The following CD96 variants were observed in gnomAD, a reference collection of about 807,000 sequenced individuals.
CD96 encodes CD96 molecule.
In CD96, 70 loss-of-function variants were observed where a neutral mutation model predicts 71.3. The observed-to-expected ratio is 0.98, with a 90% CI of 0.81 to 1.20. The LOEUF is 1.20. Ranked by LOEUF, CD96 falls within the 50% of genes most tolerant of loss-of-function variation. The pLI, the probability that CD96 is intolerant of heterozygous loss-of-function variation, is 0.00. For missense variants in CD96, 742 were observed against 677.5 expected, an observed-to-expected ratio of 1.10 and a Z score of -1.06; for synonymous variants, 248 against 233.0, an observed-to-expected ratio of 1.06 and a Z score of -0.59.
chr3:111,591,073 C>T (rs1363519711), intron 5 of CD96, among the ~76,000 whole-genome samples: 1 of 152,046 alleles, frequency 6.6e-6, no homozygotes, highest in East Asian at 1.9e-4. Context: ...TATTAATAAC[C>T]ATGTAAAACA....
At chr3:111,624,188 C>T in intron 9 of CD96, 145 bp from the exon 10 acceptor site, 1 of 696,560 alleles carries the variant, frequency 1.4e-6, no homozygotes, top group Non-Finnish European at 2.6e-6. Flanking sequence ...GCTTAATATG[C>T]CAGCTAGTGT....
At chr3:111,551,612 A>G (rs1483089980) in intron 2 of CD96, among the ~76,000 whole-genome samples, 1 of 152,016 alleles carries the variant, frequency 6.6e-6, no homozygotes, top group African/African-American at 2.4e-5. Context: ...CAGGTTTGTT[A>G]TATAGGTAAA....
At chr3:111,641,292 G>A (rs1576425965) in intron 12 of CD96, among the ~76,000 whole-genome samples, 1 of 152,210 alleles carries the variant, frequency 6.6e-6, no homozygotes, top group Non-Finnish European at 1.5e-5. Flanking sequence ...TTAAAGTAAA[G>A]GGGTGGAAAA....
At chr3:111,634,271 T>A (rs1027307430) in intron 10 of CD96, 2 of 152,232 alleles carry the variant, frequency 1.3e-5, no homozygotes, top group Non-Finnish European at 2.9e-5. Context: ...TAGAATAGTA[T>A]GCTGCCCATC....
At chr3:111,590,889 TG>T (rs1302823988) in intron 5 of CD96, among the ~76,000 whole-genome samples, 1 of 152,208 alleles carries the variant, frequency 6.6e-6, no homozygotes, top group Admixed American at 6.5e-5. Flanking sequence ...CTCTTATGCT[TG>T]TGCTTTATAC....
intron 4 of CD96, among the ~76,000 whole-genome samples, chr3:111,582,239 T>C (rs1303725967): frequency 2.0e-5 from 3 of 152,186 alleles, no homozygotes; most frequent in African/African-American, 7.2e-5. Context: ...GGCTAGTGGC[T>C]GTAGCAGGCA....
At chr3:111,629,108 G>A (rs970230411) in intron 10 of CD96, among the ~76,000 whole-genome samples, 4 of 152,038 alleles carry the variant, frequency 2.6e-5, no homozygotes, top group African/African-American at 7.2e-5. Flanking sequence ...ATATAAACAA[G>A]TCTGAAAAAT....
At chr3:111,614,328 A>C (rs1468198143) in intron 8 of CD96, among the ~76,000 whole-genome samples, 1 of 152,134 alleles carries the variant, frequency 6.6e-6, no homozygotes, top group Non-Finnish European at 1.5e-5. Context: ...TTTATGGGGA[A>C]TGGCGTAAGA....
chr3:111,587,865 G>A (rs1936788679), intron 5 of CD96, among the ~76,000 whole-genome samples: 1 of 152,180 alleles, frequency 6.6e-6, no homozygotes, highest in Non-Finnish European at 1.5e-5. Flanking sequence ...GGAGTGGCTA[G>A]GACACAGGGC....
intron 5 of CD96, among the ~76,000 whole-genome samples, chr3:111,591,371 TAAAAAAAA>T (rs3082283): frequency 2.3e-5 from 2 of 88,108 alleles, no homozygotes; most frequent in African/African-American, 9.1e-5. Flanking sequence ...GACTCCATCT[TAAAAAAAA>T]AAAAAAAAAA....
At chr3:111,615,554 CTGAT>C (rs1938188707) in intron 8 of CD96, among the ~76,000 whole-genome samples, 1 of 152,098 alleles carries the variant, frequency 6.6e-6, no homozygotes, top group African/African-American at 2.4e-5. Context: ...AATAGAGTGG[CTGAT>C]TGACCAGTCT....
intron 6 of CD96, among the ~76,000 whole-genome samples, chr3:111,599,069 C>T (rs1937380149): frequency 6.6e-6 from 1 of 151,930 alleles, no homozygotes; most frequent in African/African-American, 2.4e-5. Flanking sequence ...CCCGGGTTCA[C>T]GCCATTCTCC....
At chr3:111,637,793 TTC>T (rs959683297) in intron 11 of CD96, among the ~76,000 whole-genome samples, 4 of 28,766 alleles carry the variant, frequency 1.4e-4, no homozygotes, top group Non-Finnish European at 5.5e-4. Context: ...AGTATGGAGC[TTC>T]TTTTTTTTTT....
intron 8 of CD96, among the ~76,000 whole-genome samples, chr3:111,615,746 G>A (rs1464407742): frequency 1.3e-5 from 2 of 152,174 alleles, no homozygotes; most frequent in Non-Finnish European, 2.9e-5. Context: ...AGTGAGGGGA[G>A]GAGGGAAGTG....
chr3:111,627,993 G>T (rs907326292), intron 10 of CD96, among the ~76,000 whole-genome samples: 2 of 151,808 alleles, frequency 1.3e-5, no homozygotes, highest in African/African-American at 4.8e-5. Flanking sequence ...ACCATCCAAA[G>T]GTCAGCAAAC....
chr3:111,650,906 A>C lies in CD96; in HGVS notation c.*1100A>C, dbSNP rs971567315. 45 of 152,366 alleles carry C rather than the reference A, an allele frequency of 3.0e-4. No individual in the cohort carries two copies. Among genetic ancestry groups the C allele is most frequent in the African/African-American group, 1.1e-3 (44 of 41,584 alleles). 9.4% of individuals were successfully genotyped at this position (152,366 alleles called of 1,614,324 possible). A position where few individuals can be genotyped will look rare whatever the true frequency, so the allele number is the denominator to read the frequency against. ...CCACACTCCCTGCTCCAGGAGGGAAAAACAGATGTTGTTGACAGATAGAGT... is the reference window on the plus strand; with the variant it reads ...CCACACTCCCTGCTCCAGGAGGGAACAACAGATGTTGTTGACAGATAGAGT... On this transcript the variant is annotated 3_prime_UTR_variant, in exon 14 of 14. Transcript: ENST00000352690.
chr3:111,568,277 A>C (rs1021117531), intron 3 of CD96, among the ~76,000 whole-genome samples: 3 of 152,130 alleles, frequency 2.0e-5, no homozygotes, highest in African/African-American at 7.2e-5. Context: ...TTTATGAAAA[A>C]TTTTCCAATT....
chr3:111,563,014 G>A (rs900385310), intron 2 of CD96, among the ~76,000 whole-genome samples: 1 of 152,222 alleles, frequency 6.6e-6, no homozygotes, highest in African/African-American at 2.4e-5. Context: ...CATCTGGTGA[G>A]GGCCTGCTTG....
intron 2 of CD96, among the ~76,000 whole-genome samples, chr3:111,555,767 C>T (rs572604944): frequency 6.6e-6 from 1 of 152,280 alleles, no homozygotes; most frequent in Non-Finnish European, 1.5e-5. Context: ...TGTTAAAGTT[C>T]TTGGATGTGT....
Sources: gnomAD v4.1 joint callset for allele counts (sites outside exome capture counted in the v4.1 genomes callset) on GRCh38, gnomAD v4.1.1 for gene constraint, MANE v1.5 for transcripts, NCBI Gene and HGNC (gene_info 2026-07-23, HGNC 2026-07-21) for gene names.